The following CYRIB variants were observed in gnomAD, a reference collection of about 807,000 sequenced individuals.
CYRIB encodes CYFIP related Rac1 interactor B.
In CYRIB, 8 loss-of-function variants were observed where a neutral mutation model predicts 44.2. The ratio of observed to expected loss-of-function variants is 0.18; its 90% CI spans 0.11 to 0.33. CYRIB has a LOEUF of 0.33. Among genes scored for constraint, CYRIB ranks in the 10% least tolerant of loss-of-function variants. CYRIB has a pLI of 1.00. For missense variants in CYRIB, 185 were observed against 382.8 expected (o/e 0.48, Z 4.31); for synonymous variants, 131 against 127.2 (o/e 1.03, Z -0.20).
chr8:129,910,830 T>A (rs1443006853), intron 1 of CYRIB, among the ~76,000 whole-genome samples: 1 of 152,166 alleles, frequency 6.6e-6, no homozygotes, highest in Non-Finnish European at 1.5e-5. Context: ...TCTCGCTCTG[T>A]CGCCCAGGCT....
intron 1 of CYRIB, among the ~76,000 whole-genome samples, chr8:129,910,951 C>T (rs2077691053): frequency 6.6e-6 from 1 of 152,210 alleles, no homozygotes. Context: ...AGCCACCTTG[C>T]CCGGCCTCTC....
Position 129,919,677 on chromosome 8 carries a change from A to T in CYRIB, c.-49-16327T>A, listed in dbSNP as rs553633093. On this transcript the variant is annotated intron_variant, in intron 1 of 11. Coordinates refer to ENST00000519824, the Ensembl canonical transcript of CYRIB. ...CCAGTACTACTAACAACTTCCAAAG[A>T]CATTTTTATATGCTTCAAATTAAGT... 2.0e-5 allele frequency among the ~76,000 whole-genome samples: 3 copies of T among 152,270 alleles called. No homozygotes were observed. In the South Asian group the frequency reaches 6.2e-4, roughly 32 times the overall value.
rs192425932 is a variant in CYRIB at position 130,001,648 on chromosome 8, C to T, written c.-296+14722G>A. Among the ~76,000 whole-genome samples, 5 of 151,620 alleles carry T rather than the reference C, an allele frequency of 3.3e-5. No individual in the cohort carries two copies. In the East Asian group the frequency reaches 9.7e-4, roughly 29 times the overall value. On this transcript the variant is annotated intron_variant, in intron 1 of 14. Coordinates refer to the CYRIB transcript ENST00000401979. ...GGTTCAAGCAATTCTCCTGCCTCAG[C>T]CTCACGAGTGGCTGGGACTACACGT...
intron 1 of CYRIB, among the ~76,000 whole-genome samples, chr8:129,985,991 C>T (rs2096441811): frequency 6.6e-6 from 1 of 152,292 alleles, no homozygotes; most frequent in African/African-American, 2.4e-5. Context: ...GCTGCTGCCC[C>T]AGGAGTCCTC....
At chr8:129,989,793 CCT>C (rs963002147) in intron 1 of CYRIB, among the ~76,000 whole-genome samples, 1 of 123,928 alleles carries the variant, frequency 8.1e-6, no homozygotes, top group African/African-American at 3.0e-5. Context: ...ATCCCTCCCC[CCT>C]CCCCCCACCC....
intron 1 of CYRIB, among the ~76,000 whole-genome samples, chr8:129,980,220 T>C (rs1356865292): frequency 1.2e-3 from 113 of 97,060 alleles, no homozygotes; most frequent in South Asian, 3.4e-4. Flanking sequence ...AGAGCAAGAC[T>C]CCATCTCAAA....
intron 2 of CYRIB, among the ~76,000 whole-genome samples, chr8:129,969,829 G>A (rs190914063): frequency 4.1e-4 from 62 of 152,316 alleles, no homozygotes; most frequent in African/African-American, 1.7e-4. Flanking sequence ...ACCAACAGAC[G>A]GAATAGCAGA....
At chr8:129,955,481 A>G (rs981336366) in intron 2 of CYRIB, among the ~76,000 whole-genome samples, 2 of 152,082 alleles carry the variant, frequency 1.3e-5, no homozygotes, top group Admixed American at 6.6e-5. Flanking sequence ...CTACCTACAC[A>G]TCGAGGCTCC....
At chr8:129,977,467 C>T (rs2095984496) in intron 1 of CYRIB, among the ~76,000 whole-genome samples, 1 of 152,034 alleles carries the variant, frequency 6.6e-6, no homozygotes, top group African/African-American at 2.4e-5. Context: ...TAATAAGGTA[C>T]AAAATGATCA....
At chr8:129,949,331 G>A (rs1249582454) in intron 2 of CYRIB, 1 of 152,132 alleles carries the variant, frequency 6.6e-6, no homozygotes, top group Non-Finnish European at 1.5e-5. Context: ...CATTTATAAT[G>A]CAATCCTTAC....
intron 4 of CYRIB, among the ~76,000 whole-genome samples, 197 bp from the exon 7 acceptor site, chr8:129,862,531 C>T (rs1459005533): frequency 2.0e-5 from 3 of 151,896 alleles, no homozygotes; most frequent in African/African-American, 4.8e-5. Context: ...AGTGCAGTGG[C>T]GTGATCTCGG....
chr8:129,948,349 AC>A (rs1590901998), intron 2 of CYRIB, among the ~76,000 whole-genome samples: 1 of 152,168 alleles, frequency 6.6e-6, no homozygotes, highest in East Asian at 1.9e-4. Context: ...CACCATGCTG[AC>A]TGATGCTGTA....
chr8:129,938,387 C>T (rs2130266922), intron 1 of CYRIB, among the ~76,000 whole-genome samples: 1 of 152,302 alleles, frequency 6.6e-6, no homozygotes, highest in East Asian at 1.9e-4. Flanking sequence ...TAAAACACTC[C>T]TTTGGAATGC....
At chr8:129,951,397 A>G (rs2094494632) in intron 2 of CYRIB, among the ~76,000 whole-genome samples, 1 of 152,132 alleles carries the variant, frequency 6.6e-6, no homozygotes, top group Non-Finnish European at 1.5e-5. Context: ...ACAACATACA[A>G]CTGAGGACAT....
At chr8:129,989,642 T>TC (rs1240079186) in intron 1 of CYRIB, among the ~76,000 whole-genome samples, 1 of 142,054 alleles carries the variant, frequency 7.0e-6, no homozygotes, top group Non-Finnish European at 1.5e-5. Context: ...TGCCCTTTCT[T>TC]TTTTTTTTTT....
chr8:129,990,723 T>A (rs2096611373), intron 1 of CYRIB, among the ~76,000 whole-genome samples: 1 of 151,972 alleles, frequency 6.6e-6, no homozygotes, highest in Non-Finnish European at 1.5e-5. Context: ...AGCGTCTCAC[T>A]ATGTTGCCCA....
At chr8:129,968,730 AG>A (rs1333520775) in intron 2 of CYRIB, among the ~76,000 whole-genome samples, 2 of 152,236 alleles carry the variant, frequency 1.3e-5, no homozygotes, top group Non-Finnish European at 2.9e-5. Context: ...AACCATATAT[AG>A]TACAATCCCA....
intron 1 of CYRIB, among the ~76,000 whole-genome samples, chr8:130,015,957 G>C (rs2097332430): frequency 1.3e-5 from 2 of 151,966 alleles, no homozygotes; most frequent in Admixed American, 6.6e-5. Flanking sequence ...CGCTGCTCCC[G>C]GGGTCAGTCC....
intron 1 of CYRIB, among the ~76,000 whole-genome samples, chr8:129,905,873 T>A (rs1292337732): frequency 6.6e-6 from 1 of 152,176 alleles, no homozygotes; most frequent in Non-Finnish European, 1.5e-5. Context: ...TAATTAATAT[T>A]TAAATTGGAT....
Sources: allele counts gnomAD v4.1 joint callset (sites outside exome capture counted in the v4.1 genomes callset), GRCh38; gene constraint gnomAD v4.1.1; transcripts MANE v1.5; gene names NCBI Gene and HGNC (gene_info 2026-07-23, HGNC 2026-07-21).